GRIK1: variants seen among roughly 807,000 people sequenced by gnomAD.
GRIK1 encodes glutamate ionotropic receptor kainate type subunit 1.
A neutral mutation model predicts 105.7 loss-of-function variants in GRIK1; 69 were observed. That is an observed-to-expected ratio of 0.65 (90% CI 0.54 to 0.80). The LOEUF is 0.80. Ranked by LOEUF, GRIK1 falls within the 30% of genes least tolerant of loss-of-function variation. The probability of loss-of-function intolerance (pLI) is 0.00; values close to 1 mark genes in which losing one functional copy is unlikely to be tolerated. For synonymous variants in GRIK1, 438 were observed against 431.3 expected (o/e 1.02, Z -0.19); for missense variants, 1,109 against 1,167.3 (o/e 0.95, Z 0.73).
chr21:29,887,309 T>A (rs997832508), intron 1 of GRIK1, among the ~76,000 whole-genome samples: 1 of 152,174 alleles, frequency 6.6e-6, no homozygotes, highest in Admixed American at 6.5e-5. Context: ...TGGAAGAATA[T>A]GGGGGTACAG....
chr21:29,834,152 A>G (rs1331280018), intron 1 of GRIK1, among the ~76,000 whole-genome samples: 1 of 151,956 alleles, frequency 6.6e-6, no homozygotes, highest in Non-Finnish European at 1.5e-5. Context: ...ATTATCCTAA[A>G]TTTTGAGGAC....
At chr21:29,686,558 G>T (rs2063489851) in intron 3 of GRIK1, among the ~76,000 whole-genome samples, 1 of 152,228 alleles carries the variant, frequency 6.6e-6, no homozygotes, top group Admixed American at 6.5e-5. Context: ...AGGTGAAATA[G>T]GGCCAAAAGG....
chr21:29,617,379 A>G (rs571192067), intron 7 of GRIK1, among the ~76,000 whole-genome samples: 2 of 152,328 alleles, frequency 1.3e-5, no homozygotes, highest in East Asian at 3.9e-4. Context: ...AGTTCTTGCC[A>G]TGGATTGTTC....
chr21:29,708,105 C>T (rs1025090415), intron 1 of GRIK1, among the ~76,000 whole-genome samples: 6 of 152,166 alleles, frequency 3.9e-5, no homozygotes, highest in Non-Finnish European at 7.3e-5. Context: ...ATATGTGCAT[C>T]CATCCACCAT....
chr21:29,616,052 A>G (rs2061843235), intron 7 of GRIK1, among the ~76,000 whole-genome samples: 1 of 152,182 alleles, frequency 6.6e-6, no homozygotes, highest in Non-Finnish European at 1.5e-5. Flanking sequence ...AGCACCCAAC[A>G]GCCTTGGGAA....
intron 1 of GRIK1, chr21:29,748,042 C>T (rs942934106): frequency 2.0e-5 from 3 of 152,210 alleles, no homozygotes; most frequent in African/African-American, 7.2e-5. Flanking sequence ...ACACCCCTTT[C>T]CTGAGTTCCA....
chr21:29,791,476 G>A (rs138087235), intron 1 of GRIK1, among the ~76,000 whole-genome samples: 110 of 152,002 alleles, frequency 7.2e-4, no homozygotes, highest in Middle Eastern at 3.4e-3. Flanking sequence ...ACATGAAGCA[G>A]GGAGAGACAA....
intron 1 of GRIK1, among the ~76,000 whole-genome samples, chr21:29,721,141 T>A (rs1347857410): frequency 6.6e-6 from 1 of 151,254 alleles, no homozygotes; most frequent in Non-Finnish European, 1.5e-5. Flanking sequence ...GAGCTCACAG[T>A]GTTATTGAGC....
At chr21:29,878,267 A>G (rs1327106282) in intron 1 of GRIK1, among the ~76,000 whole-genome samples, 2 of 152,172 alleles carry the variant, frequency 1.3e-5, no homozygotes, top group East Asian at 3.9e-4. Flanking sequence ...AGCAAGGGTT[A>G]ATAAGGAAGT....
intron 7 of GRIK1, among the ~76,000 whole-genome samples, chr21:29,612,314 A>T (rs2061746443): frequency 6.6e-6 from 1 of 152,114 alleles, no homozygotes; most frequent in African/African-American, 2.4e-5. Flanking sequence ...TGACCACTGG[A>T]TTAAATGGGT....
At chr21:29,920,608 A>C (rs1194530592) in intron 1 of GRIK1, among the ~76,000 whole-genome samples, 1 of 152,074 alleles carries the variant, frequency 6.6e-6, no homozygotes, top group Non-Finnish European at 1.5e-5. Flanking sequence ...GTGATCATTT[A>C]ATTCACATCC....
At chr21:29,922,135 C>T (rs459729) in intron 1 of GRIK1, among the ~76,000 whole-genome samples, 152,216 of 152,234 alleles carry the variant, frequency 1, 76,099 homozygotes, top group Non-Finnish European at 1. Flanking sequence ...TAATCTGATT[C>T]TGTTCATAAA....
intron 1 of GRIK1, among the ~76,000 whole-genome samples, chr21:29,839,240 G>T (rs941961561): frequency 2.6e-5 from 4 of 152,004 alleles, no homozygotes; most frequent in African/African-American, 9.7e-5. Context: ...AGTAGAGACA[G>T]GGTTTCATTA....
chr21:29,626,368 G>C (rs1315420589), intron 7 of GRIK1, among the ~76,000 whole-genome samples: 1 of 152,116 alleles, frequency 6.6e-6, no homozygotes, highest in African/African-American at 2.4e-5. Context: ...TGTTGCATTG[G>C]GGATTAAGTT....
At chr21:29,787,109 A>G (rs1196186470) in intron 1 of GRIK1, among the ~76,000 whole-genome samples, 2 of 152,230 alleles carry the variant, frequency 1.3e-5, no homozygotes, top group Non-Finnish European at 1.5e-5. Flanking sequence ...CAAGCAGGCG[A>G]TTTTAAGATG....
At chr21:29,774,446 C>CTTT (rs34378438) in intron 1 of GRIK1, among the ~76,000 whole-genome samples, 72 of 102,428 alleles carry the variant, frequency 7.0e-4, no homozygotes, top group African/African-American at 1.6e-3. Flanking sequence ...TTATTTTGCT[C>CTTT]TTTTTTTTTT....
At chr21:29,596,363 A>G (rs751147546) in intron 9 of GRIK1, 163 bp downstream of exon 9, 1 of 744,792 alleles carries the variant, frequency 1.3e-6, no homozygotes, top group South Asian at 1.4e-5. Flanking sequence ...TGTTGTTGAG[A>G]GAGATAACAT....
In GRIK1 at chr21:29,855,938, A is replaced by C. The variant is rs528725922; in HGVS notation, c.118+83445T>G. Among the ~76,000 whole-genome samples, 27 of 152,278 alleles carry C rather than the reference A, an allele frequency of 1.8e-4. 1 individual carries two copies. The highest frequency in any genetic ancestry group is 6.3e-4 in the African/African-American group (26 of 41,556). On this transcript the variant is annotated intron_variant, in intron 1 of 17. Coordinates refer to ENST00000327783, the MANE Select transcript of GRIK1 (RefSeq NM_001330994.2). Reference sequence around the variant, plus strand: ...CTTGAACAACTGGGTGGTTTGAGGAATGTTTGGTAAAGGATGGAAGACTGG... The same window carrying C: ...CTTGAACAACTGGGTGGTTTGAGGACTGTTTGGTAAAGGATGGAAGACTGG...
chr21:29,857,954 C>T (rs192825439), intron 1 of GRIK1, among the ~76,000 whole-genome samples: 4 of 152,260 alleles, frequency 2.6e-5, no homozygotes, highest in African/African-American at 4.8e-5. Context: ...GTCTGGAGTG[C>T]GGTGTCACGA....
Sources: gnomAD v4.1 joint callset for allele counts (sites outside exome capture counted in the v4.1 genomes callset) on GRCh38, gnomAD v4.1.1 for gene constraint, MANE v1.5 for transcripts, NCBI Gene and HGNC (gene_info 2026-07-23, HGNC 2026-07-21) for gene names.